The following ITGA2 variants were observed in gnomAD, a reference collection of about 807,000 sequenced individuals.
ITGA2 encodes the protein integrin subunit alpha 2, also known as integrin alpha-2.
Under a neutral mutation model 146.3 loss-of-function variants are expected in ITGA2, and 101 were observed. That is an observed-to-expected ratio of 0.69 (90% CI 0.59 to 0.81). ITGA2 has a LOEUF of 0.81. Among genes scored for constraint, ITGA2 ranks in the 40% least tolerant of loss-of-function variants. ITGA2 has a pLI of 0.00. For synonymous variants in ITGA2, 477 were observed against 487.1 expected (o/e 0.98, Z 0.27); for missense variants, 1,281 against 1,402.7 (o/e 0.91, Z 1.39).
chr5:53,026,967 A>G, intron 2 of ITGA2, 99 bp downstream of exon 2: 1 of 1,047,130 alleles, frequency 9.5e-7, no homozygotes, highest in Non-Finnish European at 1.4e-6. Flanking sequence ...ACTGTACTAT[A>G]AATGGGTGGC....
chr5:53,065,760 T>C (rs1745117367), intron 14 of ITGA2, 81 bp from the exon 15 acceptor site: 2 of 1,574,318 alleles, frequency 1.3e-6, no homozygotes, highest in Non-Finnish European at 1.7e-6. Flanking sequence ...ATATAGAAAA[T>C]ATAATAATGA....
At chr5:53,000,595 C>T (rs1185800029) in intron 1 of ITGA2, among the ~76,000 whole-genome samples, 1 of 152,078 alleles carries the variant, frequency 6.6e-6, no homozygotes, top group African/African-American at 2.4e-5. Context: ...TTTGTTTCAA[C>T]AGTGTGTATT....
At chr5:53,029,263 C>A (rs1743108619) in intron 2 of ITGA2, among the ~76,000 whole-genome samples, 1 of 152,140 alleles carries the variant, frequency 6.6e-6, no homozygotes, top group Admixed American at 6.6e-5. Context: ...CAGAGTGAGA[C>A]TCCATCTCAA....
chr5:53,003,059 A>G lies in ITGA2; in HGVS notation c.64+13527A>G, dbSNP rs3212397. The stretch of plus-strand genomic sequence containing the variant: ...TGATAACCAGCCTTGAAGTGACTAA[A>G]GACCATGACTCCAACCTGAACAGAA... On this transcript the variant is annotated intron_variant, in intron 1 of 29. Transcript: ENST00000296585. 5.2e-3 allele frequency among the ~76,000 whole-genome samples: 792 copies of G among 152,318 alleles called. 8 individuals carry two copies. Among genetic ancestry groups the G allele is most frequent in the African/African-American group, 0.018 (751 of 41,574 alleles).
At chr5:53,059,795 T>C in intron 10 of ITGA2, 79 bp from the exon 11 acceptor site, 1 of 1,272,318 alleles carries the variant, frequency 7.9e-7, no homozygotes, top group Non-Finnish European at 1.1e-6. Flanking sequence ...AACAACTTAT[T>C]TCAATGTTTT....
intron 8 of ITGA2, 95 bp from the exon 9 acceptor site, chr5:53,055,889 C>A: frequency 1.5e-6 from 2 of 1,343,516 alleles, no homozygotes; most frequent in Admixed American, 1.8e-5. Flanking sequence ...ATTTACTTTT[C>A]CAGAGGGAAT....
At chr5:53,072,545 T>G in intron 18 of ITGA2, 68 bp from the exon 19 acceptor site, 1 of 921,984 alleles carries the variant, frequency 1.1e-6, no homozygotes, top group Non-Finnish European at 1.8e-6. Context: ...TAATATTCTA[T>G]GTATTCTTCT....
chr5:53,081,784 C>A lies in ITGA2; in HGVS notation c.3144+88C>A, dbSNP rs141184448. 542 of 866,502 alleles carry A rather than the reference C, an allele frequency of 6.3e-4. 3 individuals carry two copies. In the East Asian group the frequency reaches 0.014, roughly 22 times the overall value. The allele number at this position is 866,502 out of a possible 1,614,324, so 53.7% of individuals were successfully genotyped here. A position where few individuals can be genotyped will look rare whatever the true frequency, so the allele number is the denominator to read the frequency against. Reference sequence around the variant, plus strand: ...CTGCTTTTCTCCTACCAGCTGATATCATAGAGCTTTCTTATTTTGCCTTTG... The same window carrying A: ...CTGCTTTTCTCCTACCAGCTGATATAATAGAGCTTTCTTATTTTGCCTTTG... On this transcript the variant is annotated intron_variant, in intron 26 of 29. Coordinates refer to ENST00000296585, the MANE Select transcript of ITGA2 (RefSeq NM_002203.4).
intron 27 of ITGA2, among the ~76,000 whole-genome samples, chr5:53,084,482 G>A (rs1326528276): frequency 6.6e-6 from 1 of 151,908 alleles, no homozygotes; most frequent in East Asian, 1.9e-4. Context: ...CAATATTCTT[G>A]GACAAAGACA....
Position 53,065,039 on chromosome 5 carries a change from C to T in ITGA2, c.1730C>T (p.Pro577Leu), listed in dbSNP as rs778706972. The stretch of plus-strand genomic sequence containing the variant: ...TTTAATGATGTGATTGTTGGTTCAC[C>T]ACTAGAAAATCAGAATTCTGGAGCT... ...DGFNDVIVGS[P>L]LENQNSGAVY... Residue 577 changes from proline to leucine, a missense_variant, in exon 14 of 30, where the codon CCA becomes CTA. Transcript: ENST00000296585. 1 of 1,612,766 alleles carries T rather than the reference C, an allele frequency of 6.2e-7. No individual in the cohort carries two copies. The highest frequency in any genetic ancestry group is 8.5e-7 in the Non-Finnish European group (1 of 1,179,168).
intron 10 of ITGA2, among the ~76,000 whole-genome samples, chr5:53,058,553 G>A (rs1021034066): frequency 7.2e-5 from 11 of 151,920 alleles, no homozygotes; most frequent in African/African-American, 2.7e-4. Context: ...AAAAACGTGA[G>A]GTGGAATTGG....
In ITGA2 at chr5:53,081,705, A is replaced by G; in HGVS notation, c.3144+9A>G. On this transcript the variant is annotated intron_variant, in intron 26 of 29. Coordinates refer to ENST00000296585, the MANE Select transcript of ITGA2 (RefSeq NM_002203.4). ...GGCACACCAAAGAATTGGTGAGGAC[A>G]AGTTAACGTGTGAAAGCTCCCCTCA... The G allele has an allele frequency of 1.3e-6, 2 of 1,576,668 alleles. No individual in the cohort carries two copies. The highest frequency in any genetic ancestry group is 2.2e-5 in the South Asian group (2 of 89,782).
In ITGA2 at chr5:53,059,937, T is replaced by A; in HGVS notation, c.1237T>A (p.Ser413Thr). 1 of 1,612,296 alleles carries A rather than the reference T, an allele frequency of 6.2e-7. No individual in the cohort carries two copies. The highest frequency in any genetic ancestry group is 8.5e-7 in the Non-Finnish European group (1 of 1,178,926). The change falls in exon 11 of 30, where the codon TCT becomes ACT. Residue 413 changes from serine to threonine, a missense_variant. Ser to Thr is a moderately conservative substitution (Grantham distance 58, BLOSUM62 1). Coordinates refer to ENST00000296585, the MANE Select transcript of ITGA2 (RefSeq NM_002203.4). ...GWSGTIVQKT[S>T]HGHLIFPKQA... ...GAGTGGGACCATTGTCCAGAAGACA[T>A]CTCATGGCCATTTGATCTTTCCTAA...
Position 53,062,849 on chromosome 5 carries a change from G to T in ITGA2, c.1522G>T (p.Val508Leu). The change falls in exon 13 of 30, where the codon GTG becomes TTG. Residue 508 changes from valine (V) to leucine (L), a missense_variant. Coordinates refer to ENST00000296585, the MANE Select transcript of ITGA2 (RefSeq NM_002203.4). ...VDVDKDTITD[V>L]LLVGAPMYMS... ...TGTGGATAAAGACACCATTACAGAC[G>T]TGCTCTTGGTAGGTGCACCAATGTA... The T allele has an allele frequency of 6.2e-7, 1 of 1,611,430 alleles. No individual in the cohort carries two copies. The highest frequency in any genetic ancestry group is 2.2e-5 in the East Asian group (1 of 44,758).
intron 4 of ITGA2, among the ~76,000 whole-genome samples, chr5:53,046,401 T>C (rs1346521451): frequency 6.6e-6 from 1 of 152,014 alleles, no homozygotes; most frequent in Admixed American, 6.6e-5. Context: ...GTAAGTGAAT[T>C]AGATATTGCT....
chr5:53,054,266 T>A lies in ITGA2; in HGVS notation c.780-1272T>A, dbSNP rs535328360. Among the ~76,000 whole-genome samples the A allele has an allele frequency of 3.7e-4, 56 of 152,308 alleles. 1 individual carries two copies. In the South Asian group the frequency reaches 7.2e-3, roughly 20 times the overall value. ...ATTGCCCCATTTCCTACTGTTTTAA[T>A]CTAAGGTCTTCTCATTTCATTTACT... On this transcript the variant is annotated intron_variant, in intron 7 of 29. Transcript: ENST00000296585.
chr5:53,070,057 T>A (rs1745318778), intron 16 of ITGA2, 52 bp from the exon 17 acceptor site: 1 of 1,474,596 alleles, frequency 6.8e-7, no homozygotes, highest in African/African-American at 1.4e-5. Context: ...AAGATGCTTT[T>A]TCCTATAAGT....
At chr5:53,015,877 G>A (rs1742379006) in intron 1 of ITGA2, among the ~76,000 whole-genome samples, 1 of 152,102 alleles carries the variant, frequency 6.6e-6, no homozygotes, top group Admixed American at 6.5e-5. Context: ...TTGGTTTAAA[G>A]TCAATTTTGT....
rs368138202 is a variant in ITGA2, at chr5:53,074,417, T to G, written c.2604T>G (p.Ala868=). ...VDGTEVTCQV[A]ASQKSVACDV... is the part of the protein sequence containing the mutation. ...GGACAGAAGTAACATGCCAGGTGGC[T>G]GCATCTCAGAAGTCTGTTGCCTGCG... Residue 868 remains alanine (A), a synonymous_variant, in exon 21 of 30, where the codon GCT becomes GCG. Transcript: ENST00000296585. 57 of 1,612,368 alleles carry G rather than the reference T, an allele frequency of 3.5e-5. No homozygotes were observed. Among genetic ancestry groups the G allele is most frequent in the Non-Finnish European group, 3.6e-5 (43 of 1,178,998 alleles).
Sources: allele counts gnomAD v4.1 joint callset (sites outside exome capture counted in the v4.1 genomes callset), GRCh38; gene constraint gnomAD v4.1.1; transcripts MANE v1.5; gene names NCBI Gene and HGNC (gene_info 2026-07-23, HGNC 2026-07-21).